The following SARNP variants were observed in gnomAD, a reference collection of about 807,000 sequenced individuals.
SARNP encodes SAP domain-containing ribonucleoprotein.
Under a neutral mutation model 38.1 loss-of-function variants are expected in SARNP, and 5 were observed. That is an observed-to-expected ratio of 0.13 (90% CI 0.07 to 0.28). The LOEUF is 0.28. Ranked by LOEUF, SARNP falls within the 10% of genes least tolerant of loss-of-function variation. The pLI, the probability that SARNP is intolerant of heterozygous loss-of-function variation, is 1.00. For missense variants in SARNP, 180 were observed against 243.9 expected (o/e 0.74, Z 1.75); for synonymous variants, 84 against 80.6 (o/e 1.04, Z -0.23).
intron 9 of SARNP, among the ~76,000 whole-genome samples, chr12:55,774,651 G>C (rs1400495758): frequency 1.3e-5 from 2 of 151,366 alleles, no homozygotes; most frequent in African/African-American, 4.9e-5. Context: ...GGGAGGTTGA[G>C]GCAGGAAAAT....
At chr12:55,794,163 A>G (rs979633765) in intron 7 of SARNP, 196 bp downstream of exon 7, 17 of 581,664 alleles carry the variant, frequency 2.9e-5, no homozygotes, top group Admixed American at 1.0e-4. Flanking sequence ...CTATCCTCTC[A>G]TAACATTCAG....
chr12:55,771,348 G>A (rs1229308830), intron 9 of SARNP, among the ~76,000 whole-genome samples: 1 of 152,154 alleles, frequency 6.6e-6, no homozygotes, highest in Non-Finnish European at 1.5e-5. Flanking sequence ...AGCATCATTA[G>A]GAATTTGAAC....
At chr12:55,796,757 C>G (rs1341025457) in intron 4 of SARNP, among the ~76,000 whole-genome samples, 1 of 152,070 alleles carries the variant, frequency 6.6e-6, no homozygotes, top group Non-Finnish European at 1.5e-5. Flanking sequence ...TAAGTACCAC[C>G]TCCCAATGTT....
intron 8 of SARNP, among the ~76,000 whole-genome samples, chr12:55,789,569 A>T (rs771350565): frequency 1.9e-4 from 29 of 152,212 alleles, no homozygotes; most frequent in South Asian, 4.1e-4. Context: ...TTCAGAAGAC[A>T]ACCTATAACT....
intron 10 of SARNP, among the ~76,000 whole-genome samples, chr12:55,759,465 G>A (rs989475757): frequency 1.3e-5 from 2 of 150,696 alleles, no homozygotes; most frequent in Non-Finnish European, 3.0e-5. Context: ...GCCCATGTTG[G>A]AGTGGCGTGA....
intron 1 of SARNP, among the ~76,000 whole-genome samples, chr12:55,815,614 C>A (rs1484807465): frequency 2.0e-5 from 3 of 152,138 alleles, no homozygotes; most frequent in Admixed American, 1.3e-4. Flanking sequence ...CAGGCACTTG[C>A]CACCACACCT....
chr12:55,777,965 C>A (rs1879230729), intron 9 of SARNP, among the ~76,000 whole-genome samples: 1 of 152,160 alleles, frequency 6.6e-6, no homozygotes, highest in African/African-American at 2.4e-5. Flanking sequence ...TAATTGACAT[C>A]ATTGATTGGA....
rs143114439 is a variant in SARNP, at chr12:55,785,491, T to G, written c.501+3584A>C. ...CGAATACTGTATACAATTTTTTTTT[T>G]TTTAAGACAGAGTCTAGGCCATGTG... is the stretch of plus-strand genomic sequence containing the variant. On this transcript the variant is annotated intron_variant, in intron 9 of 10. Transcript: ENST00000336133. 9.1e-4 allele frequency among the ~76,000 whole-genome samples: 138 copies of G among 152,210 alleles called. 1 individual carries two copies. Among genetic ancestry groups the G allele is most frequent in the African/African-American group, 3.2e-3 (134 of 41,544 alleles).
chr12:55,774,575 CAAACA>C (rs1879112957), intron 9 of SARNP, among the ~76,000 whole-genome samples: 1 of 41,216 alleles, frequency 2.4e-5, no homozygotes, highest in African/African-American at 1.3e-4. Context: ...AAAAAAAAAA[CAAACA>C]AAAAAAAAAA....
chr12:55,786,253 TG>T (rs1879490453), intron 9 of SARNP, among the ~76,000 whole-genome samples: 1 of 152,214 alleles, frequency 6.6e-6, no homozygotes, highest in Non-Finnish European at 1.5e-5. Context: ...GTAAGAGATA[TG>T]GTGTTCAATT....
intron 1 of SARNP, among the ~76,000 whole-genome samples, chr12:55,815,302 A>G (rs1880449480): frequency 6.6e-6 from 1 of 151,994 alleles, no homozygotes; most frequent in Non-Finnish European, 1.5e-5. Context: ...TCCGCCTCCC[A>G]AAGAGTTGGG....
chr12:55,791,121 C>T (rs1879655264), intron 7 of SARNP, among the ~76,000 whole-genome samples: 1 of 152,140 alleles, frequency 6.6e-6, no homozygotes, highest in African/African-American at 2.4e-5. Context: ...TATACGAATT[C>T]ATTTATATGA....
chr12:55,795,116 T>C (rs1258747151), intron 5 of SARNP, among the ~76,000 whole-genome samples: 3 of 152,030 alleles, frequency 2.0e-5, no homozygotes, highest in African/African-American at 7.2e-5. Context: ...TGTGCCACTG[T>C]GCCCAGCTAA....
chr12:55,813,556 T>C, intron 1 of SARNP, among the ~76,000 whole-genome samples: 1 of 150,284 alleles, frequency 6.7e-6, no homozygotes, highest in Admixed American at 6.6e-5. Context: ...TTTTTTTTTT[T>C]TTTTTGAGAC....
At chr12:55,809,804 T>A (rs954284631) in intron 1 of SARNP, among the ~76,000 whole-genome samples, 34 of 151,268 alleles carry the variant, frequency 2.2e-4, no homozygotes, top group African/African-American at 8.2e-4. Context: ...CTAACATTAA[T>A]GTAAAAAATA....
At chr12:55,781,545 A>C (rs1361215679) in intron 9 of SARNP, among the ~76,000 whole-genome samples, 1 of 151,764 alleles carries the variant, frequency 6.6e-6, no homozygotes, top group Non-Finnish European at 1.5e-5. Context: ...AAAAAAAAAA[A>C]AAACAAAAAC....
chr12:55,758,820 G>C (rs1878591165), intron 10 of SARNP, among the ~76,000 whole-genome samples: 1 of 151,754 alleles, frequency 6.6e-6, no homozygotes, highest in East Asian at 1.9e-4. Flanking sequence ...CTGCAGAAAT[G>C]TAAGCCAATT....
At chr12:55,758,264 CT>C (rs1009951898) in intron 10 of SARNP, among the ~76,000 whole-genome samples, 4 of 152,172 alleles carry the variant, frequency 2.6e-5, no homozygotes, top group African/African-American at 9.7e-5. Flanking sequence ...ACTCCTCTGG[CT>C]TTTTTCTAGT....
chr12:55,804,989 C>T (rs149793548), intron 1 of SARNP, among the ~76,000 whole-genome samples: 3 of 152,254 alleles, frequency 2.0e-5, no homozygotes, highest in East Asian at 3.9e-4. Flanking sequence ...AATGGCCGGG[C>T]GCGGTGGCTC....
Sources: gnomAD v4.1 joint callset for allele counts (sites outside exome capture counted in the v4.1 genomes callset) on GRCh38, gnomAD v4.1.1 for gene constraint, MANE v1.5 for transcripts, NCBI Gene and HGNC (gene_info 2026-07-23, HGNC 2026-07-21) for gene names.